The following PTPRD variants were observed in gnomAD, a reference collection of about 807,000 sequenced individuals.
The protein encoded by PTPRD is protein tyrosine phosphatase receptor type D.
A neutral mutation model predicts 214.5 loss-of-function variants in PTPRD; 34 were observed. The observed-to-expected ratio is 0.16, with a 90% CI of 0.12 to 0.21. The LOEUF is 0.21. PTPRD is among the 10% of genes least tolerant of loss of function. PTPRD has a pLI of 1.00. For missense variants in PTPRD, 2,545 were observed against 2,398.7 expected (o/e 1.06, Z -1.27); for synonymous variants, 1,128 against 845.7 (o/e 1.33, Z -5.79).
chr9:8,785,283 G>A (rs1218920685), intron 11 of PTPRD, among the ~76,000 whole-genome samples: 2 of 152,140 alleles, frequency 1.3e-5, no homozygotes, highest in African/African-American at 2.4e-5. Flanking sequence ...CAGTCATACC[G>A]GCATAACTAT....
At chr9:9,447,958 T>C (rs1321926812) in intron 8 of PTPRD, among the ~76,000 whole-genome samples, 1 of 152,162 alleles carries the variant, frequency 6.6e-6, no homozygotes, top group East Asian at 1.9e-4. Flanking sequence ...CACATAGTCT[T>C]ACAGACTGCA....
At chr9:10,457,277 C>T (rs575266169) in intron 2 of PTPRD, among the ~76,000 whole-genome samples, 4 of 151,846 alleles carry the variant, frequency 2.6e-5, no homozygotes, top group African/African-American at 4.8e-5. Flanking sequence ...CTACCTGGAT[C>T]GGGATATTGA....
chr9:9,944,228 A>C (rs2092175602), intron 4 of PTPRD, among the ~76,000 whole-genome samples: 1 of 152,118 alleles, frequency 6.6e-6, no homozygotes. Flanking sequence ...AATCACTACA[A>C]AACTCCTTAA....
At chr9:10,579,105 G>T (rs1160755175) in intron 2 of PTPRD, among the ~76,000 whole-genome samples, 2 of 151,938 alleles carry the variant, frequency 1.3e-5, no homozygotes, top group African/African-American at 4.8e-5. Context: ...CCTGATGTGT[G>T]TTGTTCCCCT....
At chr9:10,246,913 C>T (rs10738157) in intron 3 of PTPRD, among the ~76,000 whole-genome samples, 82,979 of 150,746 alleles carry the variant, frequency 0.55, 24,429 homozygotes, top group East Asian at 0.73. Flanking sequence ...AATAAATAAA[C>T]AATAAATATA....
chr9:8,952,977 A>G (rs1304037930), intron 11 of PTPRD, among the ~76,000 whole-genome samples: 1 of 151,934 alleles, frequency 6.6e-6, no homozygotes, highest in Non-Finnish European at 1.5e-5. Context: ...ACTGCAATAA[A>G]ATGTTTGCAG....
At chr9:8,720,160 C>A (rs2098476932) in intron 12 of PTPRD, among the ~76,000 whole-genome samples, 2 of 152,220 alleles carry the variant, frequency 1.3e-5, no homozygotes, top group Non-Finnish European at 2.9e-5. Flanking sequence ...AGAGGCTGGA[C>A]TCTGGCTGGA....
At chr9:8,705,485 C>G (rs1295131698) in intron 12 of PTPRD, among the ~76,000 whole-genome samples, 1 of 152,194 alleles carries the variant, frequency 6.6e-6, no homozygotes, top group Non-Finnish European at 1.5e-5. Flanking sequence ...GTTAAGGTAT[C>G]AAGTAATACT....
chr9:10,539,835 A>G (rs1422280779), intron 2 of PTPRD, among the ~76,000 whole-genome samples: 1 of 152,088 alleles, frequency 6.6e-6, no homozygotes, highest in African/African-American at 2.4e-5. Context: ...CTCTTGTTGT[A>G]TGGGTGGCAT....
chr9:9,205,089 G>A (rs2132482173), intron 9 of PTPRD, among the ~76,000 whole-genome samples: 1 of 152,170 alleles, frequency 6.6e-6, no homozygotes, highest in Middle Eastern at 3.4e-3. Flanking sequence ...CTAATCTGAT[G>A]CTTTGCTTAC....
At chr9:8,859,804 TG>T (rs140012420) in intron 11 of PTPRD, among the ~76,000 whole-genome samples, 1 of 142,540 alleles carries the variant, frequency 7.0e-6, no homozygotes, top group South Asian at 2.3e-4. Context: ...TCCAGCAATT[TG>T]GGGGTGGGGG....
chr9:8,718,463 G>A (rs1045786813), intron 12 of PTPRD, among the ~76,000 whole-genome samples: 1 of 152,146 alleles, frequency 6.6e-6, no homozygotes, highest in South Asian at 2.1e-4. Flanking sequence ...CTTTTCTGAT[G>A]TAGTTTGGAT....
intron 9 of PTPRD, among the ~76,000 whole-genome samples, chr9:9,230,582 T>C (rs959908065): frequency 6.6e-5 from 10 of 152,122 alleles, no homozygotes; most frequent in African/African-American, 1.9e-4. Context: ...CTAAGCCTTC[T>C]AATTGGTACA....
chr9:10,046,456 C>A (rs1453560752), intron 3 of PTPRD, among the ~76,000 whole-genome samples: 1 of 151,648 alleles, frequency 6.6e-6, no homozygotes, highest in Non-Finnish European at 1.5e-5. Context: ...ATCCTGTAAT[C>A]TTTTTTTACC....
At chr9:9,239,249 A>T (rs111857047) in intron 9 of PTPRD, among the ~76,000 whole-genome samples, 5,589 of 152,164 alleles carry the variant, frequency 0.037, 143 homozygotes, top group Non-Finnish European at 0.058. Context: ...GTAGAAACTA[A>T]CTCAAAGGCT....
chr9:8,875,507 T>C (rs1031133239), intron 11 of PTPRD, among the ~76,000 whole-genome samples: 1 of 152,214 alleles, frequency 6.6e-6, no homozygotes, highest in Non-Finnish European at 1.5e-5. Flanking sequence ...TCCTTTGTGC[T>C]TCAGTTCATC....
At chr9:8,965,644 C>T (rs1414476253) in intron 11 of PTPRD, among the ~76,000 whole-genome samples, 1 of 151,996 alleles carries the variant, frequency 6.6e-6, no homozygotes, top group Non-Finnish European at 1.5e-5. Flanking sequence ...TCCTTAAAAT[C>T]GTAAGTGTCA....
intron 9 of PTPRD, among the ~76,000 whole-genome samples, chr9:9,215,847 T>C (rs1257984076): frequency 1.2e-4 from 18 of 152,116 alleles, no homozygotes. Context: ...AACAGTAAAA[T>C]AGTACAGTAT....
chr9:9,973,134 C>A (rs1027663332), intron 4 of PTPRD, among the ~76,000 whole-genome samples: 4 of 151,874 alleles, frequency 2.6e-5, no homozygotes, highest in African/African-American at 9.7e-5. Context: ...CTCTCTCCAA[C>A]AGGGTTAACT....
Sources: gnomAD v4.1 joint callset for allele counts (sites outside exome capture counted in the v4.1 genomes callset) on GRCh38, gnomAD v4.1.1 for gene constraint, MANE v1.5 for transcripts, NCBI Gene and HGNC (gene_info 2026-07-23, HGNC 2026-07-21) for gene names.